The following MAGI2 variants were observed in gnomAD, a reference collection of about 807,000 sequenced individuals.
MAGI2 encodes membrane associated guanylate kinase, WW and PDZ domain containing 2, also known as membrane-associated guanylate kinase, WW and PDZ domain-containing protein 2.
MAGI2 carries 35 observed loss-of-function variants against 133.3 expected under a neutral mutation model. The observed-to-expected ratio is 0.26, with a 90% CI of 0.20 to 0.35. MAGI2 has a LOEUF of 0.35. Among genes scored for constraint, MAGI2 ranks in the 10% least tolerant of loss-of-function variants. The pLI is 1.00. For synonymous variants in MAGI2, 729 were observed against 710.6 expected (o/e 1.03, Z -0.41); for missense variants, 1,636 against 1,863.4 (o/e 0.88, Z 2.25).
chr7:78,154,900 C>T (rs184039406), intron 16 of MAGI2, among the ~76,000 whole-genome samples: 1 of 150,864 alleles, frequency 6.6e-6, no homozygotes, highest in Non-Finnish European at 1.5e-5. Context: ...GCACGTAGCC[C>T]CTGGGACATT....
At chr7:78,195,526 C>A (rs60256698) in intron 11 of MAGI2, among the ~76,000 whole-genome samples, 133 of 152,258 alleles carry the variant, frequency 8.7e-4, no homozygotes, top group African/African-American at 3.0e-3. Flanking sequence ...CTATGCATAT[C>A]GCAACAACTT....
At chr7:78,236,093 C>A (rs1401731675) in intron 10 of MAGI2, among the ~76,000 whole-genome samples, 1 of 150,234 alleles carries the variant, frequency 6.7e-6, no homozygotes, top group Admixed American at 6.6e-5. Flanking sequence ...ATAAAACTAG[C>A]ACAATTTGTG....
intron 2 of MAGI2, among the ~76,000 whole-genome samples, chr7:78,850,897 T>G (rs1205025189): frequency 6.6e-6 from 1 of 152,056 alleles, no homozygotes; most frequent in Admixed American, 6.6e-5. Context: ...AGAACTTTAA[T>G]TAATTTTTCC....
intron 1 of MAGI2, among the ~76,000 whole-genome samples, chr7:79,131,315 C>T (rs1386968582): frequency 2.6e-5 from 4 of 152,124 alleles, no homozygotes; most frequent in Non-Finnish European, 5.9e-5. Flanking sequence ...TAAATCAACA[C>T]AGGTTTCATC....
intron 2 of MAGI2, among the ~76,000 whole-genome samples, chr7:78,840,053 A>T (rs950904606): frequency 2.0e-5 from 3 of 152,080 alleles, no homozygotes; most frequent in African/African-American, 7.2e-5. Context: ...AAGTGTAATT[A>T]GTAATTTCAA....
At chr7:79,246,992 G>A (rs1832872063) in intron 1 of MAGI2, among the ~76,000 whole-genome samples, 1 of 151,996 alleles carries the variant, frequency 6.6e-6, no homozygotes, top group Non-Finnish European at 1.5e-5. Flanking sequence ...AGAATAGAGG[G>A]GCATGACATA....
intron 1 of MAGI2, among the ~76,000 whole-genome samples, chr7:79,284,115 C>G (rs968018628): frequency 6.6e-6 from 1 of 152,068 alleles, no homozygotes; most frequent in African/African-American, 2.4e-5. Flanking sequence ...ATAATGAAAT[C>G]ACCTAATGAT....
chr7:78,449,112 G>C (rs1788454776), intron 6 of MAGI2, among the ~76,000 whole-genome samples: 1 of 151,956 alleles, frequency 6.6e-6, no homozygotes, highest in African/African-American at 2.4e-5. Context: ...CTGCTGCCCT[G>C]GTGCCCCTTT....
At chr7:79,352,546 A>G (rs1469967829) in intron 1 of MAGI2, among the ~76,000 whole-genome samples, 1 of 152,222 alleles carries the variant, frequency 6.6e-6, no homozygotes, top group Non-Finnish European at 1.5e-5. Flanking sequence ...CATGAGGGGG[A>G]AGGTGCAGTT....
At chr7:78,996,644 T>C (rs935766311) in intron 2 of MAGI2, among the ~76,000 whole-genome samples, 7 of 152,166 alleles carry the variant, frequency 4.6e-5, no homozygotes, top group Non-Finnish European at 5.9e-5. Flanking sequence ...ACGGCACTTG[T>C]ATCCCTGAAC....
intron 2 of MAGI2, among the ~76,000 whole-genome samples, chr7:78,804,818 A>G (rs937839174): frequency 1.3e-5 from 2 of 150,390 alleles, no homozygotes; most frequent in Admixed American, 6.7e-5. Flanking sequence ...CTGTAATCCC[A>G]GCACTTTGGG....
intron 1 of MAGI2, among the ~76,000 whole-genome samples, chr7:79,139,475 C>T (rs1269076992): frequency 6.6e-6 from 1 of 152,162 alleles, no homozygotes; most frequent in African/African-American, 2.4e-5. Context: ...AAGGGAGCTA[C>T]GACTCAAGCC....
chr7:78,544,161 G>A (rs886307516), intron 3 of MAGI2, among the ~76,000 whole-genome samples: 6 of 152,290 alleles, frequency 3.9e-5, no homozygotes, highest in African/African-American at 1.4e-4. Flanking sequence ...AAGGTCATTG[G>A]CTCCAATTTG....
intron 1 of MAGI2, among the ~76,000 whole-genome samples, chr7:79,134,433 G>A (rs149224966): frequency 9.9e-4 from 150 of 152,254 alleles, no homozygotes; most frequent in African/African-American, 3.5e-3. Context: ...TAAAGATGGT[G>A]TGGTTGTTGC....
chr7:78,684,573 T>C (rs1224519880), intron 2 of MAGI2, among the ~76,000 whole-genome samples: 1 of 152,154 alleles, frequency 6.6e-6, no homozygotes. Flanking sequence ...ATAATGTGTT[T>C]CTTAGTTAAA....
chr7:78,854,584 T>C (rs1481682927), intron 2 of MAGI2, among the ~76,000 whole-genome samples: 3 of 152,154 alleles, frequency 2.0e-5, no homozygotes, highest in African/African-American at 7.2e-5. Context: ...GAGTGATTCA[T>C]ATTCAGTTCC....
intron 2 of MAGI2, among the ~76,000 whole-genome samples, chr7:78,871,996 A>T (rs1007664416): frequency 1.3e-5 from 2 of 152,062 alleles, no homozygotes; most frequent in East Asian, 3.9e-4. Flanking sequence ...ACATATGCAC[A>T]TACATACAAG....
intron 1 of MAGI2, among the ~76,000 whole-genome samples, chr7:79,364,276 A>G (rs890670017): frequency 6.6e-6 from 1 of 152,046 alleles, no homozygotes; most frequent in African/African-American, 2.4e-5. Context: ...AGTACATCAA[A>G]GAGATATGAA....
chr7:78,096,918 C>T (rs1817743459), intron 20 of MAGI2, among the ~76,000 whole-genome samples: 1 of 152,132 alleles, frequency 6.6e-6, no homozygotes. Flanking sequence ...GCAAACTGTG[C>T]ATCTCATAAA....
Sources: gnomAD v4.1 joint callset for allele counts (sites outside exome capture counted in the v4.1 genomes callset) on GRCh38, gnomAD v4.1.1 for gene constraint, MANE v1.5 for transcripts, NCBI Gene and HGNC (gene_info 2026-07-23, HGNC 2026-07-21) for gene names.